Variants in BTLA observed in about 807,000 individuals in gnomAD.
BTLA encodes B- and T-lymphocyte attenuator.
In BTLA, 11 loss-of-function variants were observed where a neutral mutation model predicts 25.0. That is an observed-to-expected ratio of 0.44 (90% CI 0.28 to 0.73). The LOEUF (loss-of-function observed/expected upper bound fraction) is 0.73, where lower values mean the gene tolerates loss of function less well. Ranked by LOEUF, BTLA falls within the 30% of genes least tolerant of loss-of-function variation. The pLI, the probability that BTLA is intolerant of heterozygous loss-of-function variation, is 0.15. For missense variants in BTLA, 282 were observed against 332.8 expected (o/e 0.85, Z 1.19); for synonymous variants, 104 against 119.8 (o/e 0.87, Z 0.86).
Position 112,479,837 on chromosome 3 carries a change from A to G in BTLA, c.89-68T>C, listed in dbSNP as rs2082308386. 8 of 1,282,958 alleles carry G rather than the reference A, an allele frequency of 6.2e-6. No individual in the cohort carries two copies. In the East Asian group the frequency reaches 1.7e-4, roughly 27 times the overall value. 79.5% of individuals were successfully genotyped at this position (1,282,958 alleles called of 1,614,324 possible). The stretch of plus-strand genomic sequence containing the variant: ...GAAGTACCATATATATGTGACTTCA[A>G]TAGTTCTCAAGCATTATTTGGTAAT... On this transcript the variant is annotated intron_variant, in intron 1 of 4. Transcript: ENST00000334529.
At chr3:112,490,740 AGC>A (rs1258338528) in intron 1 of BTLA, among the ~76,000 whole-genome samples, 5 of 149,930 alleles carry the variant, frequency 3.3e-5, no homozygotes, top group South Asian at 4.2e-4. Flanking sequence ...AAAAAAAAAA[AGC>A]AACCATGAAA....
chr3:112,495,773 G>A (rs1401134988), intron 1 of BTLA, among the ~76,000 whole-genome samples: 1 of 152,130 alleles, frequency 6.6e-6, no homozygotes, highest in African/African-American at 2.4e-5. Flanking sequence ...GAACTTCAAG[G>A]AATGATATTT....
chr3:112,465,817 TG>T lies in BTLA; in HGVS notation c.*290del. 1 of 247,068 alleles carries T rather than the reference TG, an allele frequency of 4.0e-6. No individual in the cohort carries two copies. The highest frequency in any genetic ancestry group is 7.7e-6 in the Non-Finnish European group (1 of 129,646). The allele number at this position is 247,068 out of a possible 1,614,324, so 15.3% of individuals were successfully genotyped here. On this transcript the variant is annotated 3_prime_UTR_variant, in exon 5 of 5. Transcript: ENST00000334529. ...CAAAGGCAAGATCGAGTTTGTATATTGGGTAAAATGTAGCTAAGTTTAAACG... is the reference window on the plus strand; with the variant it reads ...CAAAGGCAAGATCGAGTTTGTATATTGGTAAAATGTAGCTAAGTTTAAACG...
intron 3 of BTLA, 47 bp downstream of exon 3, chr3:112,471,165 T>C (rs1355381831): frequency 6.4e-7 from 1 of 1,563,908 alleles, no homozygotes; most frequent in East Asian, 2.3e-5. Flanking sequence ...GAAATAAGAA[T>C]GGCCCCAAAT....
intron 1 of BTLA, among the ~76,000 whole-genome samples, chr3:112,487,218 A>C (rs2082353256): frequency 6.6e-6 from 1 of 152,270 alleles, no homozygotes; most frequent in African/African-American, 2.4e-5. Context: ...TTTAGAACTT[A>C]GACCAAAAAT....
chr3:112,497,665 C>A (rs2082416664), intron 1 of BTLA, among the ~76,000 whole-genome samples: 1 of 152,072 alleles, frequency 6.6e-6, no homozygotes, highest in Admixed American at 6.6e-5. Context: ...TGACTTAATA[C>A]TAGATACTTA....
intron 1 of BTLA, 106 bp downstream of exon 1, chr3:112,499,165 C>T (rs1329819969): frequency 1.3e-6 from 1 of 774,776 alleles, no homozygotes; most frequent in African/African-American, 1.7e-5. Context: ...TCTACGATTA[C>T]CCACTTCGTA....
At chr3:112,488,323 C>T (rs1030452413) in intron 1 of BTLA, among the ~76,000 whole-genome samples, 3 of 147,878 alleles carry the variant, frequency 2.0e-5, no homozygotes, top group Admixed American at 6.8e-5. Flanking sequence ...CCCGGGTTCA[C>T]GCCATTCTCC....
At chr3:112,481,619 G>C (rs1432259821) in intron 1 of BTLA, among the ~76,000 whole-genome samples, 1 of 152,200 alleles carries the variant, frequency 6.6e-6, no homozygotes. Context: ...CAGCCTCAAA[G>C]GCTTTGAAAT....
At chr3:112,478,285 C>A (rs780043219) in intron 2 of BTLA, among the ~76,000 whole-genome samples, 1 of 152,090 alleles carries the variant, frequency 6.6e-6, no homozygotes, top group Admixed American at 6.5e-5. Context: ...CATTTATTTA[C>A]ATATTCTTGA....
chr3:112,478,801 C>T (rs1559826002), intron 2 of BTLA, among the ~76,000 whole-genome samples: 1 of 152,110 alleles, frequency 6.6e-6, no homozygotes, highest in East Asian at 1.9e-4. Flanking sequence ...TACTCCCCCC[C>T]TATGTATTTT....
At chr3:112,475,967 T>C (rs1576680805) in intron 2 of BTLA, among the ~76,000 whole-genome samples, 1 of 152,204 alleles carries the variant, frequency 6.6e-6, no homozygotes, top group African/African-American at 2.4e-5. Context: ...TGCAATTCTT[T>C]CCAGAAAGTG....
chr3:112,490,583 G>A (rs187280568), intron 1 of BTLA, among the ~76,000 whole-genome samples: 3 of 143,682 alleles, frequency 2.1e-5, no homozygotes, highest in African/African-American at 7.8e-5. Context: ...TAGACAAGAA[G>A]AGCCATTTTC....
At chr3:112,492,224 C>G (rs891486540) in intron 1 of BTLA, among the ~76,000 whole-genome samples, 5 of 152,184 alleles carry the variant, frequency 3.3e-5, no homozygotes, top group Non-Finnish European at 7.3e-5. Context: ...TTTAGTTGGT[C>G]AACATGTAAT....
At chr3:112,486,499 A>C (rs1167165131) in intron 1 of BTLA, among the ~76,000 whole-genome samples, 1 of 152,202 alleles carries the variant, frequency 6.6e-6, no homozygotes, top group African/African-American at 2.4e-5. Context: ...AGAAAAATGC[A>C]CAGGTATTTA....
chr3:112,472,226 C>T (rs914172780), intron 2 of BTLA, among the ~76,000 whole-genome samples: 1 of 152,158 alleles, frequency 6.6e-6, no homozygotes, highest in Non-Finnish European at 1.5e-5. Context: ...TGCAACAAAA[C>T]ATTATCCAGA....
chr3:112,483,289 C>T (rs2082327828), intron 1 of BTLA, among the ~76,000 whole-genome samples: 1 of 151,678 alleles, frequency 6.6e-6, no homozygotes, highest in South Asian at 2.1e-4. Context: ...ACTGGGATTA[C>T]AGGCGCCCAC....
chr3:112,483,714 T>C (rs2082330704), intron 1 of BTLA, among the ~76,000 whole-genome samples: 1 of 151,336 alleles, frequency 6.6e-6, no homozygotes, highest in Non-Finnish European at 1.5e-5. Flanking sequence ...ACGCCTGTAA[T>C]CCCAGCACTT....
In BTLA at chr3:112,489,136, T is replaced by C. The variant is rs72938432; in HGVS notation, c.89-9367A>G. On this transcript the variant is annotated intron_variant, in intron 1 of 4. Coordinates refer to ENST00000334529, the MANE Select transcript of BTLA (RefSeq NM_181780.4). ...TAACTACCAAAGAAAAGCTAGACTTTACAAGTATTCAGTTTGAAAAGGCCT... is the reference window on the plus strand; with the variant it reads ...TAACTACCAAAGAAAAGCTAGACTTCACAAGTATTCAGTTTGAAAAGGCCT... Among the ~76,000 whole-genome samples the C allele has an allele frequency of 8.7e-3, 1,321 of 152,300 alleles. 15 individuals are homozygous for C. The highest frequency in any genetic ancestry group is 0.03 in the African/African-American group (1,257 of 41,566).
Sources: gnomAD v4.1 joint callset for allele counts (sites outside exome capture counted in the v4.1 genomes callset) on GRCh38, gnomAD v4.1.1 for gene constraint, MANE v1.5 for transcripts, NCBI Gene and HGNC (gene_info 2026-07-23, HGNC 2026-07-21) for gene names.